Variants in TMEM222 observed in about 807,000 individuals in gnomAD.
The protein encoded by TMEM222 is transmembrane protein 222.
Under a neutral mutation model 25.1 loss-of-function variants are expected in TMEM222, and 18 were observed. The ratio of observed to expected loss-of-function variants is 0.72; its 90% CI spans 0.50 to 1.06. The LOEUF is 1.06. TMEM222 is among the 50% of genes least tolerant of loss of function. The pLI is 0.00. For missense variants in TMEM222, 296 were observed against 293.7 expected (o/e 1.01, Z -0.06); for synonymous variants, 131 against 117.9 (o/e 1.11, Z -0.72).
At chr1:27,330,493 G>A (rs911588962) in intron 1 of TMEM222, among the ~76,000 whole-genome samples, 1 of 152,088 alleles carries the variant, frequency 6.6e-6, no homozygotes, top group African/African-American at 2.4e-5. Context: ...TGTTGCTGTC[G>A]TTTGAGTTAC....
At chr1:27,335,192 G>A (rs924913066) in intron 5 of TMEM222, 187 bp from the exon 6 acceptor site, 1 of 614,826 alleles carries the variant, frequency 1.6e-6, no homozygotes, top group Non-Finnish European at 2.9e-6. Context: ...ACCATAGCTG[G>A]TGATCCCCCA....
intron 1 of TMEM222, chr1:27,325,863 C>G (rs2014333803): frequency 3.9e-6 from 3 of 768,204 alleles, no homozygotes; most frequent in Non-Finnish European, 2.4e-6. Context: ...TTGGCCCTGG[C>G]AAATGCATAT....
At chr1:27,335,150 TCAC>T in intron 5 of TMEM222, 3 of 576,038 alleles carry the variant, frequency 5.2e-6, no homozygotes, top group Non-Finnish European at 9.3e-6. Flanking sequence ...TGTCAGTAAA[TCAC>T]CAGGAGCGCG....
chr1:27,332,483 G>A, intron 3 of TMEM222: 1 of 718,204 alleles, frequency 1.4e-6, no homozygotes, highest in Non-Finnish European at 2.6e-6. Context: ...AATGAGGCAT[G>A]GAAGGTAGAA....
At chr1:27,334,525 G>A in intron 5 of TMEM222, 2 of 1,400,796 alleles carry the variant, frequency 1.4e-6, no homozygotes. Flanking sequence ...TGAGACCATG[G>A]GCAACTGCCT....
chr1:27,331,831 G>C (rs1427969707), intron 2 of TMEM222, among the ~76,000 whole-genome samples: 1 of 152,276 alleles, frequency 6.6e-6, no homozygotes, highest in East Asian at 1.9e-4. Flanking sequence ...TGGAGCCCCA[G>C]ATCTTTGGTC....
intron 1 of TMEM222, among the ~76,000 whole-genome samples, chr1:27,324,253 G>A (rs978731771): frequency 1.1e-4 from 16 of 152,378 alleles, no homozygotes; most frequent in African/African-American, 3.6e-4. Context: ...GAACCCGGGA[G>A]GTGGAGGTTG....
At chr1:27,332,901 C>T (rs1243415594) in intron 3 of TMEM222, 3 of 291,576 alleles carry the variant, frequency 1.0e-5, no homozygotes, top group Non-Finnish European at 2.0e-5. Context: ...CCTAAGCGGC[C>T]CCAGTCCAGG....
In TMEM222 at chr1:27,335,583, C is replaced by G; in HGVS notation, c.*117C>G. The G allele has an allele frequency of 3.0e-6, 3 of 1,016,474 alleles. No individual in the cohort carries two copies. The highest frequency in any genetic ancestry group is 3.0e-6 in the Non-Finnish European group (2 of 676,478). The allele number at this position is 1,016,474 out of a possible 1,614,324, so 63.0% of individuals were successfully genotyped here. A position where few individuals can be genotyped will look rare whatever the true frequency, so the allele number is the denominator to read the frequency against. On this transcript the variant is annotated 3_prime_UTR_variant, in exon 6 of 6. Transcript: ENST00000374076. Reference sequence around the variant, plus strand: ...GCAGGGTTGGGCCTGCTGTTGTGGACCGGGGGTCGGGGCTGGCAGGATGGA... The same window carrying G: ...GCAGGGTTGGGCCTGCTGTTGTGGAGCGGGGGTCGGGGCTGGCAGGATGGA...
intron 1 of TMEM222, among the ~76,000 whole-genome samples, chr1:27,325,973 G>T (rs956038630): frequency 1.3e-5 from 2 of 152,208 alleles, no homozygotes; most frequent in African/African-American, 4.8e-5. Context: ...ACTTGTTGCT[G>T]ATTTTGACCT....
At position 27,334,762 on chromosome 1, in the gene TMEM222, C is replaced by T. The variant is rs1450895255; in HGVS notation, c.539+481C>T. 4 of 1,178,300 alleles carry T rather than the reference C, an allele frequency of 3.4e-6. No homozygotes were observed. The East Asian group carries it at 2.3e-4, about 66-fold the overall frequency. 73.0% of individuals were successfully genotyped at this position (1,178,300 alleles called of 1,614,324 possible). A position where few individuals can be genotyped will look rare whatever the true frequency, so the allele number is the denominator to read the frequency against. On this transcript the variant is annotated intron_variant, in intron 5 of 5. Coordinates refer to ENST00000374076, the MANE Select transcript of TMEM222 (RefSeq NM_032125.3). ...ACTCGTGAGCCAGCATAGGTTAGTGCTGATCTGGCCGCCTCTCCAAGCTTT... is the reference window on the plus strand; with the variant it reads ...ACTCGTGAGCCAGCATAGGTTAGTGTTGATCTGGCCGCCTCTCCAAGCTTT...
intron 2 of TMEM222, chr1:27,331,275 A>G (rs2014472476): frequency 1.9e-6 from 1 of 534,500 alleles, no homozygotes. Flanking sequence ...AGACTGGTCC[A>G]GTGGGCTAGC....
At chr1:27,332,682 C>T in intron 3 of TMEM222, 1 of 619,712 alleles carries the variant, frequency 1.6e-6, no homozygotes, top group South Asian at 1.8e-5. Flanking sequence ...TGACCTGTTG[C>T]CCAAGGCTGC....
chr1:27,332,194 C>A lies in TMEM222; in HGVS notation c.311+93C>A, dbSNP rs532557685. 6 of 1,462,920 alleles carry A rather than the reference C, an allele frequency of 4.1e-6. No homozygotes were observed. The South Asian group carries it at 5.7e-5, about 14-fold the overall frequency. The allele number at this position is 1,462,920 out of a possible 1,614,324, so 90.6% of individuals were successfully genotyped here. A position where few individuals can be genotyped will look rare whatever the true frequency, so the allele number is the denominator to read the frequency against. ...TCTGGGGCACAGGAGGGGCCAGCACCCTGAGAATAGAGTATTTGGGGTCGG... is the reference window on the plus strand; with the variant it reads ...TCTGGGGCACAGGAGGGGCCAGCACACTGAGAATAGAGTATTTGGGGTCGG... On this transcript the variant is annotated intron_variant, in intron 3 of 5. Transcript: ENST00000374076.
chr1:27,327,421 C>G (rs2014377220), intron 1 of TMEM222, among the ~76,000 whole-genome samples: 1 of 152,162 alleles, frequency 6.6e-6, no homozygotes, highest in Non-Finnish European at 1.5e-5. Context: ...CAGAGTCTTG[C>G]TCTGTCACCC....
intron 1 of TMEM222, 139 bp downstream of exon 1, chr1:27,322,530 C>A: frequency 5.1e-6 from 4 of 778,824 alleles, no homozygotes; most frequent in Non-Finnish European, 7.3e-6. Context: ...GTCACCAGAA[C>A]CCCGCCATCC....
chr1:27,333,557 C>T (rs1015267748), intron 3 of TMEM222: 18 of 439,680 alleles, frequency 4.1e-5, no homozygotes, highest in African/African-American at 1.0e-4. Context: ...TGTGTCCCCA[C>T]GTGGTGGAGG....
intron 1 of TMEM222, among the ~76,000 whole-genome samples, chr1:27,328,510 T>A (rs1370490091): frequency 6.6e-6 from 1 of 152,214 alleles, no homozygotes; most frequent in Non-Finnish European, 1.5e-5. Context: ...GCTGTAGACC[T>A]GGAAGACCCC....
Position 27,335,724 on chromosome 1 carries a change from T to G in TMEM222, c.*258T>G. On this transcript the variant is annotated 3_prime_UTR_variant, in exon 6 of 6. Coordinates refer to ENST00000374076, the MANE Select transcript of TMEM222 (RefSeq NM_032125.3). ...CCCTGGAAGCCCCTTTGTTCTTCTG[T>G]TGAAAGGCTTTGGCTTCCCGCTGTA... 1.9e-6 allele frequency: 1 copy of G among 536,926 alleles called. No homozygotes were observed. Among genetic ancestry groups the G allele is most frequent in the Non-Finnish European group, 3.4e-6 (1 of 297,466 alleles). The allele number at this position is 536,926 out of a possible 1,614,324, so 33.3% of individuals were successfully genotyped here. A position where few individuals can be genotyped will look rare whatever the true frequency, so the allele number is the denominator to read the frequency against.
Sources: allele counts gnomAD v4.1 joint callset (sites outside exome capture counted in the v4.1 genomes callset), GRCh38; gene constraint gnomAD v4.1.1; transcripts MANE v1.5; gene names NCBI Gene and HGNC (gene_info 2026-07-23, HGNC 2026-07-21).